Variants in GCFC2 observed in about 807,000 individuals in gnomAD.
The protein encoded by GCFC2 is intron Large complex component GCFC2.
GCFC2 carries 102 observed loss-of-function variants against 99.4 expected under a neutral mutation model. The observed-to-expected ratio is 1.03, with a 90% CI of 0.87 to 1.21. GCFC2 has a LOEUF of 1.21. Among genes scored for constraint, GCFC2 ranks in the 50% most tolerant of loss-of-function variants. The pLI is 0.00. For missense variants in GCFC2, 973 were observed against 920.9 expected (o/e 1.06, Z -0.73); for synonymous variants, 338 against 316.8 (o/e 1.07, Z -0.71).
intron 14 of GCFC2, chr2:75,670,935 G>A (rs1679066657): frequency 6.6e-6 from 1 of 152,096 alleles, no homozygotes; most frequent in Non-Finnish European, 1.5e-5. Flanking sequence ...CATTGTTGAT[G>A]TTGTTCCCTC....
intron 15 of GCFC2, among the ~76,000 whole-genome samples, chr2:75,669,748 T>C (rs1374951094): frequency 3.3e-5 from 5 of 152,162 alleles, no homozygotes; most frequent in Admixed American, 2.0e-4. Context: ...ATTTTTTTTT[T>C]TGAGATGGAG....
At chr2:75,709,500 T>C (rs1162809209) in intron 1 of GCFC2, among the ~76,000 whole-genome samples, 2 of 151,888 alleles carry the variant, frequency 1.3e-5, no homozygotes, top group Admixed American at 1.3e-4. Context: ...TCTAAAAAAG[T>C]GGAAATCAGA....
At chr2:75,683,308 G>A (rs1203798161) in intron 11 of GCFC2, among the ~76,000 whole-genome samples, 1 of 151,830 alleles carries the variant, frequency 6.6e-6, no homozygotes, top group Non-Finnish European at 1.5e-5. Flanking sequence ...TTAAAGAAAT[G>A]AATTTTCAAT....
intron 16 of GCFC2, among the ~76,000 whole-genome samples, chr2:75,665,695 A>G (rs1214679769): frequency 1.3e-5 from 2 of 152,206 alleles, no homozygotes; most frequent in African/African-American, 2.4e-5. Context: ...TTTTAATTCT[A>G]TATTCCCCTG....
intron 2 of GCFC2, among the ~76,000 whole-genome samples, chr2:75,704,843 T>G (rs913117023): frequency 2.0e-5 from 3 of 152,228 alleles, no homozygotes; most frequent in Admixed American, 2.0e-4. Flanking sequence ...GCCTGGCTAA[T>G]TTTTACATTT....
chr2:75,689,935 C>T (rs969688856), intron 9 of GCFC2, 34 bp downstream of exon 9: 9 of 1,138,718 alleles, frequency 7.9e-6, no homozygotes, highest in African/African-American at 1.5e-5. Context: ...TTTCAAAACT[C>T]AAACCATGAT....
intron 12 of GCFC2, chr2:75,679,926 C>T (rs1208728872): frequency 2.4e-6 from 1 of 421,988 alleles, no homozygotes; most frequent in Non-Finnish European, 4.2e-6. Context: ...ATTACCACTC[C>T]TATCACAGTG....
At chr2:75,669,826 G>A (rs1679009058) in intron 15 of GCFC2, among the ~76,000 whole-genome samples, 1 of 152,222 alleles carries the variant, frequency 6.6e-6, no homozygotes, top group East Asian at 1.9e-4. Flanking sequence ...CTGGGTTCAG[G>A]CGATTCTTCT....
Position 75,706,611 on chromosome 2 carries a change from T to G in GCFC2, c.306A>C (p.Lys102Asn), listed in dbSNP as rs770630200. ...TLDVSTDEED[K>N]IHHSSESKDD... ...CCTTACTTTCTGAGGAGTGATGTAT[T>G]TTATCCTCTTCATCTGTGGACACAT... The change falls in exon 2 of 17, where the codon AAA (lysine) becomes AAC (asparagine). Residue 102 changes from lysine to asparagine, a missense_variant. Transcript: ENST00000321027. 1.4e-5 allele frequency: 23 copies of G among 1,594,936 alleles called. No individual in the cohort carries two copies. Among genetic ancestry groups the G allele is most frequent in the Non-Finnish European group, 2.0e-5 (23 of 1,162,850 alleles).
At position 75,696,333 on chromosome 2, in the gene GCFC2, G is replaced by T; in HGVS notation, c.718-18C>A. The T allele has an allele frequency of 2.9e-6, 3 of 1,024,838 alleles. No individual in the cohort carries two copies. Among genetic ancestry groups the T allele is most frequent in the Non-Finnish European group, 4.6e-6 (3 of 650,530 alleles). The allele number at this position is 1,024,838 out of a possible 1,614,324, so 63.5% of individuals were successfully genotyped here. A position where few individuals can be genotyped will look rare whatever the true frequency, so the allele number is the denominator to read the frequency against. On this transcript the variant is annotated intron_variant, in intron 4 of 16. Coordinates refer to ENST00000321027, the MANE Select transcript of GCFC2 (RefSeq NM_003203.5). ...TCTCTTTCCTAAAAAAGTAAAAATA[G>T]ATTTTTACAAAACCATTTATTTCAT...
intron 12 of GCFC2, 80 bp from the exon 13 acceptor site, chr2:75,673,600 T>G: frequency 3.7e-5 from 25 of 672,806 alleles, no homozygotes; most frequent in East Asian, 5.4e-5. Flanking sequence ...TTAACTGCAG[T>G]ACAAATTTAT....
chr2:75,690,136 A>G, intron 8 of GCFC2, 55 bp from the exon 9 acceptor site: 1 of 958,994 alleles, frequency 1.0e-6, no homozygotes, highest in Non-Finnish European at 1.6e-6. Context: ...CTTGCTGAAA[A>G]TAAATGCCTA....
chr2:75,707,555 A>G (rs1680929222), intron 1 of GCFC2, among the ~76,000 whole-genome samples: 1 of 125,924 alleles, frequency 7.9e-6, no homozygotes, highest in South Asian at 2.6e-4. Context: ...ATCAAAATTT[A>G]AAACACTAAA....
intron 11 of GCFC2, among the ~76,000 whole-genome samples, chr2:75,683,989 G>A (rs1160396730): frequency 6.6e-6 from 1 of 152,030 alleles, no homozygotes; most frequent in African/African-American, 2.4e-5. Context: ...CAAGTTCTTA[G>A]AGACCTACAA....
intron 4 of GCFC2, 66 bp downstream of exon 4, chr2:75,701,124 C>T: frequency 1.1e-6 from 1 of 890,426 alleles, no homozygotes; most frequent in Non-Finnish European, 1.9e-6. Context: ...TTTGAGTCAC[C>T]AAGTTTGTGG....
At chr2:75,711,130 A>G (rs1309158088), upstream of GCFC2, 1 of 1,245,360 alleles carries the variant, frequency 8.0e-7, no homozygotes, top group Non-Finnish European at 1.0e-6. Context: ...TTCACGGCCT[A>G]TCCGGTCTGA....
At position 75,663,472 on chromosome 2, in the gene GCFC2, C is replaced by CTGT. The variant is rs1486812559; in HGVS notation, c.*1191_*1193dup. 1.3e-5 allele frequency: 2 copies of CTGT among 152,220 alleles called. No individual in the cohort carries two copies. Among genetic ancestry groups the CTGT allele is most frequent in the East Asian group, 3.9e-4 (2 of 5,184 alleles). 9.4% of individuals were successfully genotyped at this position (152,220 alleles called of 1,614,324 possible). On this transcript the variant is annotated 3_prime_UTR_variant, in exon 17 of 17. Transcript: ENST00000321027. ...CACATGTTGTGAGTATTTAAAATATCTGTTTCCTTCTTAGTCCTACCACCA... is the reference window on the plus strand; with the variant it reads ...CACATGTTGTGAGTATTTAAAATATCTGTTGTTTCCTTCTTAGTCCTACCACCA...
chr2:75,665,770 A>G (rs1010684827), intron 16 of GCFC2, among the ~76,000 whole-genome samples, 159 bp downstream of exon 16: 2 of 152,228 alleles, frequency 1.3e-5, no homozygotes, highest in South Asian at 4.1e-4. Context: ...GGATATGCAT[A>G]AGCCATCCCA....
Position 75,663,544 on chromosome 2 carries a change from T to A in GCFC2, c.*1122A>T, listed in dbSNP as rs1006525827. On this transcript the variant is annotated 3_prime_UTR_variant, in exon 17 of 17. Transcript: ENST00000321027. ...AACTTGCTAATAAGTAATGACTTAA[T>A]GCTTCAAAAAACATCAACAAATTTA... The A allele has an allele frequency of 3.9e-5, 6 of 152,126 alleles. No individual in the cohort carries two copies. The highest frequency in any genetic ancestry group is 9.7e-5 in the African/African-American group (4 of 41,434). 9.4% of individuals were successfully genotyped at this position (152,126 alleles called of 1,614,324 possible).
Sources: allele counts gnomAD v4.1 joint callset (sites outside exome capture counted in the v4.1 genomes callset), GRCh38; gene constraint gnomAD v4.1.1; transcripts MANE v1.5; gene names NCBI Gene and HGNC (gene_info 2026-07-23, HGNC 2026-07-21).